RIF1: variants seen among roughly 807,000 people sequenced by gnomAD.
RIF1 encodes the protein telomere-associated protein RIF1.
A neutral mutation model predicts 247.1 loss-of-function variants in RIF1; 45 were observed. That is an observed-to-expected ratio of 0.18 (90% confidence interval 0.14 to 0.23). RIF1 has a LOEUF of 0.23. Among genes scored for constraint, RIF1 ranks in the 10% least tolerant of loss-of-function variants. RIF1 has a pLI of 1.00. For synonymous variants in RIF1, 1,087 were observed against 978.8 expected, an observed-to-expected ratio of 1.11 and a Z score of -2.06; for missense variants, 2,967 against 2,862.5, an observed-to-expected ratio of 1.04 and a Z score of -0.83.
downstream of RIF1, chr2:151,485,936 A>T (rs1222497271): frequency 6.2e-7 from 1 of 1,613,522 alleles, no homozygotes; most frequent in South Asian, 1.1e-5. Context: ...AAGATTTTCT[A>T]TTCGTGGGGA....
intron 31 of RIF1, 50 bp from the exon 32 acceptor site, chr2:151,468,424 A>G (rs777518873): frequency 2.9e-6 from 4 of 1,402,386 alleles, no homozygotes; most frequent in Non-Finnish European, 4.0e-6. Flanking sequence ...TTGTGAAATT[A>G]TAGTCATCTA....
Position 151,505,007 on chromosome 2 carries a change from G to T in RIF1, c.*862-1203G>T, listed in dbSNP as rs192413758. Among the ~76,000 whole-genome samples, 11 of 152,116 alleles carry T rather than the reference G, an allele frequency of 7.2e-5. No individual in the cohort carries two copies. The East Asian group carries it at 2.1e-3, about 29-fold the overall frequency. On this transcript the variant is annotated intron_variant and NMD_transcript_variant, in intron 12 of 13. Transcript: ENST00000454583. The stretch of plus-strand genomic sequence containing the variant: ...AAGAGACTTCACATGTCTACCCAGG[G>T]TCTTTTTGGACACTGGGAATCCTAT...
chr2:151,444,121 T>C (rs773046860), intron 18 of RIF1, among the ~76,000 whole-genome samples: 25 of 152,362 alleles, frequency 1.6e-4, no homozygotes, highest in Non-Finnish European at 2.4e-4. Flanking sequence ...GAGAGTTGAA[T>C]AATCTGTGTA....
At position 151,478,149 on chromosome 2, in the gene RIF1, C is replaced by CT. The variant is rs2049017874; in HGVS notation, c.*3079dup. ...TTGTTGAATCATATGGAGCTTTACT[C>CT]TAATTCCAAATAGTTAAAGGATGAA... is the stretch of plus-strand genomic sequence containing the variant. On this transcript the variant is annotated 3_prime_UTR_variant, in exon 36 of 36. Transcript: ENST00000444746. 1.3e-5 allele frequency: 2 copies of CT among 152,316 alleles called. No individual in the cohort carries two copies. Among genetic ancestry groups the CT allele is most frequent in the South Asian group, 4.1e-4 (2 of 4,826 alleles). 9.4% of individuals were successfully genotyped at this position (152,316 alleles called of 1,614,324 possible).
the RIF1 span, chr2:151,519,925 TATTAATA>T: frequency 1.9e-6 from 1 of 513,858 alleles, no homozygotes; most frequent in African/African-American, 1.9e-5. Context: ...AAGAAGACAC[TATTAATA>T]ATTAAGAATG....
downstream of RIF1, among the ~76,000 whole-genome samples, chr2:151,509,368 G>A (rs1210785884): frequency 2.0e-5 from 3 of 151,420 alleles, no homozygotes; most frequent in South Asian, 2.1e-4. Context: ...AGAAACAATC[G>A]TCCTTTTATT....
chr2:151,428,519 A>G (rs1282917831), intron 8 of RIF1, among the ~76,000 whole-genome samples: 2 of 152,086 alleles, frequency 1.3e-5, no homozygotes, highest in Non-Finnish European at 2.9e-5. Flanking sequence ...TGTGTTGTAC[A>G]TTGTCTGCTT....
intron 8 of RIF1, among the ~76,000 whole-genome samples, chr2:151,424,858 C>CTTA (rs1688761321): frequency 3.2e-5 from 1 of 30,860 alleles, no homozygotes; most frequent in African/African-American, 1.3e-4. Context: ...TTTTTTTTTC[C>CTTA]ATATTTTTTG....
At chr2:151,450,863 C>T (rs752890618) in intron 20 of RIF1, among the ~76,000 whole-genome samples, 15 of 152,172 alleles carry the variant, frequency 9.9e-5, no homozygotes, top group Non-Finnish European at 1.9e-4. Context: ...GGATTGCAGG[C>T]GTGAGCCACC....
At position 151,465,122 on chromosome 2, in the gene RIF1, G is replaced by T; in HGVS notation, c.5602G>T (p.Asp1868Tyr). The change falls in exon 30 of 36, where the codon GAC becomes TAC. Residue 1868 changes from aspartate to tyrosine, a missense_variant. Physicochemically the swap from Asp to Tyr is radical, Grantham distance 160. Coordinates refer to ENST00000444746, the MANE Select transcript of RIF1 (RefSeq NM_018151.5). ...TAAAACTGTTGGCCCGTGTTTAGGA[G>T]ACTCGAAAAATGTTTCACAGGAATC... The part of the protein sequence containing the change: ...NFKTVGPCLG[D>Y]SKNVSQESLE... The T allele has an allele frequency of 6.2e-7, 1 of 1,612,722 alleles. No homozygotes were observed. The highest frequency in any genetic ancestry group is 1.1e-5 in the South Asian group (1 of 90,654).
chr2:151,446,577 T>A lies in RIF1; in HGVS notation c.2244+2T>A, dbSNP rs1271708415. On this transcript the variant is annotated splice_donor_variant, in intron 20 of 35. Transcript: ENST00000444746. LOFTEE classifies it high-confidence loss of function. ...AGTTTGGAAGATGAAGGCTTTTCTG[T>A]GAGTTTGTCCTGATGCTACCTTTTT... is the stretch of plus-strand genomic sequence containing the variant. 6.2e-7 allele frequency: 1 copy of A among 1,612,024 alleles called. No homozygotes were observed. Among genetic ancestry groups the A allele is most frequent in the East Asian group, 2.2e-5 (1 of 44,866 alleles).
chr2:151,426,320 G>A (rs1328332645), intron 8 of RIF1, among the ~76,000 whole-genome samples: 5 of 151,284 alleles, frequency 3.3e-5, no homozygotes, highest in African/African-American at 4.9e-5. Flanking sequence ...GACTGCAGGC[G>A]CACGCCACCA....
At chr2:151,490,783 C>T (rs2055852630) in intron 9 of RIF1, among the ~76,000 whole-genome samples, 1 of 152,148 alleles carries the variant, frequency 6.6e-6, no homozygotes, top group African/African-American at 2.4e-5. Context: ...TGTAACATCT[C>T]CCCTCCACCC....
Position 151,463,480 on chromosome 2 carries a change from C to G in RIF1, c.3960C>G (p.Gly1320=). 1 of 1,614,018 alleles carries G rather than the reference C, an allele frequency of 6.2e-7. No individual in the cohort carries two copies. The highest frequency in any genetic ancestry group is 8.5e-7 in the Non-Finnish European group (1 of 1,179,928). ...PEKNTEESVE[G]IVVLENNPPG... Reference sequence around the variant, plus strand: ...AAAATACTGAGGAATCTGTTGAAGGCATTGTAGTCTTAGAAAATAACCCAC... The same window carrying G: ...AAAATACTGAGGAATCTGTTGAAGGGATTGTAGTCTTAGAAAATAACCCAC... The change falls in exon 30 of 36, where the codon GGC becomes GGG. Residue 1320 remains glycine, a synonymous_variant. Transcript: ENST00000444746.
chr2:151,450,024 A>G (rs750868030), intron 20 of RIF1, among the ~76,000 whole-genome samples: 3 of 151,934 alleles, frequency 2.0e-5, no homozygotes, highest in Non-Finnish European at 4.4e-5. Flanking sequence ...TATTTTTAGT[A>G]GAGACGGGGT....
At chr2:151,460,259 G>T in intron 26 of RIF1, 140 bp downstream of exon 26, 7 of 653,742 alleles carry the variant, frequency 1.1e-5, no homozygotes, top group Non-Finnish European at 1.7e-5. Flanking sequence ...ATTTGATGTA[G>T]AAAGACTGCT....
chr2:151,518,602 G>A, the RIF1 span, among the ~76,000 whole-genome samples: 26 of 152,302 alleles, frequency 1.7e-4, no homozygotes, highest in Admixed American at 1.1e-3. Context: ...AGTATTGTCC[G>A]TTAAGATGTA....
the RIF1 span, among the ~76,000 whole-genome samples, chr2:151,531,255 T>A: frequency 6.6e-6 from 1 of 152,048 alleles, no homozygotes; most frequent in African/African-American, 2.4e-5. Context: ...GACTTCAGTG[T>A]TTCCAGCTGG....
chr2:151,460,798 C>T (rs1300027793), intron 26 of RIF1, among the ~76,000 whole-genome samples: 2 of 152,218 alleles, frequency 1.3e-5, no homozygotes, highest in Non-Finnish European at 2.9e-5. Context: ...GCGACTTTCA[C>T]TAAGTCATGC....
Sources: allele counts gnomAD v4.1 joint callset (sites outside exome capture counted in the v4.1 genomes callset), GRCh38; gene constraint gnomAD v4.1.1; transcripts MANE v1.5; gene names NCBI Gene and HGNC (gene_info 2026-07-23, HGNC 2026-07-21).